The following CRTAC1 variants were observed in gnomAD, a reference collection of about 807,000 sequenced individuals.
The protein encoded by CRTAC1 is acidic secreted protein in cartilage.
Under a neutral mutation model 67.8 loss-of-function variants are expected in CRTAC1, and 37 were observed. That is an observed-to-expected ratio of 0.55 (90% CI 0.42 to 0.72). CRTAC1 has a LOEUF of 0.72. Among genes scored for constraint, CRTAC1 ranks in the 30% least tolerant of loss-of-function variants. CRTAC1 has a pLI of 0.00. For synonymous variants in CRTAC1, 348 were observed against 371.0 expected, an observed-to-expected ratio of 0.94 and a Z score of 0.71; for missense variants, 780 against 931.6, an observed-to-expected ratio of 0.84 and a Z score of 2.12.
intron 4 of CRTAC1, among the ~76,000 whole-genome samples, chr10:97,921,134 C>T (rs1344447301): frequency 6.6e-6 from 1 of 152,098 alleles, no homozygotes; most frequent in Non-Finnish European, 1.5e-5. Context: ...GCTGGCCCCA[C>T]CCCTGGAGTT....
At position 97,865,569 on chromosome 10, in the gene CRTAC1, C is replaced by T; in HGVS notation, c.1965G>A (p.Glu655=). The change falls in exon 15 of 15, where the codon GAG becomes GAA. Residue 655 remains glutamate (E), a synonymous_variant. Transcript: ENST00000370597. The part of the protein sequence containing the change: ...GDLNLGSVVK[E]SCEPSC ...CTGCTCAGCAGCTGGGCTCGCAGCT[C>T]TCCTTAACCACCGACCCCAGATTGA... is the stretch of plus-strand genomic sequence containing the variant. 1 of 1,611,354 alleles carries T rather than the reference C, an allele frequency of 6.2e-7. No homozygotes were observed. The highest frequency in any genetic ancestry group is 8.5e-7 in the Non-Finnish European group (1 of 1,177,786).
rs947996196 is a variant in CRTAC1, at chr10:98,030,108, C to T, written c.24+341G>A. ...TCCCTCCTCACCCGCTCCGCCCCCT[C>T]CAGGCCCCAGAGGCCCCCTCCCCTG... On this transcript the variant is annotated intron_variant, in intron 1 of 14. Transcript: ENST00000370597. This position sits in a 1 kb window ranked among gnomAD's most constrained non-coding sequence, Gnocchi z 4.2. Among the ~76,000 whole-genome samples the T allele has an allele frequency of 6.6e-6, 1 of 152,158 alleles. No homozygotes were observed. Among genetic ancestry groups the T allele is most frequent in the Non-Finnish European group, 1.5e-5 (1 of 68,024 alleles).
intron 11 of CRTAC1, among the ~76,000 whole-genome samples, chr10:97,892,311 A>C (rs1025513670): frequency 2.6e-5 from 4 of 152,222 alleles, no homozygotes; most frequent in African/African-American, 9.6e-5. Context: ...CTCAGCCCCC[A>C]TTCTGCCCTT....
intron 2 of CRTAC1, among the ~76,000 whole-genome samples, chr10:97,987,558 G>C (rs2052001319): frequency 6.6e-6 from 1 of 152,240 alleles, no homozygotes; most frequent in African/African-American, 2.4e-5. Context: ...TGCTGGAGAA[G>C]GCATGCCAAC....
At chr10:97,896,439 G>T (rs1485811097) in intron 9 of CRTAC1, among the ~76,000 whole-genome samples, 2 of 152,136 alleles carry the variant, frequency 1.3e-5, no homozygotes, top group Non-Finnish European at 2.9e-5. Flanking sequence ...GACCCAGAGG[G>T]TAAAGTCACT....
At chr10:97,901,712 G>A in intron 7 of CRTAC1, 73 bp from the exon 8 acceptor site, 2 of 1,561,640 alleles carry the variant, frequency 1.3e-6, no homozygotes, top group Non-Finnish European at 1.8e-6. Context: ...CCTCTATGGA[G>A]TGTGGGGGCA....
intron 2 of CRTAC1, among the ~76,000 whole-genome samples, chr10:98,007,646 C>T (rs1333013918): frequency 1.3e-5 from 2 of 152,184 alleles, no homozygotes; most frequent in Non-Finnish European, 2.9e-5. Flanking sequence ...CTGCTTTGCT[C>T]AACCCTGCCC....
rs1199432813 is a variant in CRTAC1 at position 97,895,312 on chromosome 10, G to C, written c.1419C>G (p.His473Gln). 1.2e-6 allele frequency: 2 copies of C among 1,613,852 alleles called. No homozygotes were observed. The highest frequency in any genetic ancestry group is 1.7e-6 in the Non-Finnish European group (2 of 1,179,992). The change falls in exon 11 of 15, where the codon CAC (histidine) becomes CAG (glutamine). Residue 473 changes from histidine to glutamine, a missense_variant. Transcript: ENST00000370597. This position sits in a 1 kb window ranked among gnomAD's most constrained non-coding sequence, Gnocchi z 4.2. ...CTGAGCCCCCGTCGATGATCCTCAG[G>C]TGGGCCCCACTCTTCTTGGTGTAGA... ...VVLYTKKSGA[H>Q]LRIIDGGSGY...
intron 6 of CRTAC1, among the ~76,000 whole-genome samples, chr10:97,906,136 GGC>G: frequency 6.6e-6 from 1 of 152,170 alleles, no homozygotes; most frequent in East Asian, 1.9e-4. Context: ...GAACCCTGGA[GGC>G]TGAGTGTCCT....
rs771351655 is a variant in CRTAC1, at chr10:98,002,761, C to CTG, written c.224+8376_224+8377insCA. On this transcript the variant is annotated intron_variant, in intron 2 of 14. Transcript: ENST00000370597. ...TTTTAGGAATTCTTTACAAAACTCA[C>CTG]TTTTTTTTTTTTTTTTTTTTTTTTT... 1.3e-3 allele frequency among the ~76,000 whole-genome samples: 48 copies of CTG among 37,302 alleles called. 2 individuals are homozygous for CTG. Among genetic ancestry groups the CTG allele is most frequent in the Non-Finnish European group, 1.9e-3 (33 of 17,204 alleles). The allele number at this position is 37,302 out of a possible 152,430, so 24.5% of individuals were successfully genotyped here.
intron 1 of CRTAC1, among the ~76,000 whole-genome samples, chr10:98,021,718 C>G (rs1843124591): frequency 6.6e-6 from 1 of 152,164 alleles, no homozygotes; most frequent in Non-Finnish European, 1.5e-5. Context: ...TGCATGAATG[C>G]ATCTCAGGTG....
At chr10:97,928,103 G>A (rs1193384988) in intron 3 of CRTAC1, among the ~76,000 whole-genome samples, 1 of 152,258 alleles carries the variant, frequency 6.6e-6, no homozygotes, top group Non-Finnish European at 1.5e-5. Context: ...TTTGGGGCAG[G>A]GCAGGGGGCC....
chr10:97,892,694 A>C (rs2050395761), intron 11 of CRTAC1, among the ~76,000 whole-genome samples: 1 of 152,160 alleles, frequency 6.6e-6, no homozygotes, highest in Admixed American at 6.5e-5. Flanking sequence ...GGCACATACT[A>C]ATTGCTTGAT....
At position 98,005,100 on chromosome 10, in the gene CRTAC1, A is replaced by ATATTTTTTTTTTTTTTTTTTT; in HGVS notation, c.224+6037_224+6038insAAAAAAAAAAAAAAAAAAATA. ...GTAATACATATATATATATATATAT[A>ATATTTTTTTTTTTTTTTTTTT]TTTTTTTTTTTTTTTTTTTTTGAGA... On this transcript the variant is annotated intron_variant, in intron 2 of 14. Coordinates refer to ENST00000370597, the MANE Select transcript of CRTAC1 (RefSeq NM_018058.7). 2.5e-4 allele frequency among the ~76,000 whole-genome samples: 12 copies of ATATTTTTTTTTTTTTTTTTTT among 48,884 alleles called. 2 individuals carry two copies. The highest frequency in any genetic ancestry group is 9.1e-4 in the East Asian group (2 of 2,206). The allele number at this position is 48,884 out of a possible 152,430, so 32.1% of individuals were successfully genotyped here.
At position 97,901,457 on chromosome 10, in the gene CRTAC1, C is replaced by T. The variant is rs199567627; in HGVS notation, c.1133+46G>A. 1,688 of 1,612,934 alleles carry T rather than the reference C, an allele frequency of 1.0e-3. 26 individuals carry two copies. In the South Asian group the frequency reaches 0.018, roughly 17 times the overall value. On this transcript the variant is annotated intron_variant, in intron 8 of 14. Transcript: ENST00000370597. ...ACCTTCTCCCTGACCGTTCCTCCCA[C>T]CAGCTGTCAAGGATGAAGAGCCACG... is the stretch of plus-strand genomic sequence containing the variant.
At chr10:97,985,115 T>C (rs767715347) in intron 2 of CRTAC1, among the ~76,000 whole-genome samples, 50 of 152,256 alleles carry the variant, frequency 3.3e-4, no homozygotes, top group Middle Eastern at 3.4e-3. Flanking sequence ...ATTCCTTGAT[T>C]ACCATTTTTC....
intron 1 of CRTAC1, among the ~76,000 whole-genome samples, chr10:98,021,474 G>C (rs554479577): frequency 1.3e-5 from 2 of 152,276 alleles, no homozygotes; most frequent in Admixed American, 1.3e-4. Flanking sequence ...AGGACAAATG[G>C]AATCTCCTAG....
intron 2 of CRTAC1, among the ~76,000 whole-genome samples, chr10:98,007,592 CT>C: frequency 6.6e-6 from 1 of 152,168 alleles, no homozygotes; most frequent in Non-Finnish European, 1.5e-5. Flanking sequence ...TAAATATCAT[CT>C]TTCAGAATAA....
chr10:97,921,272 C>T (rs1038154951), intron 4 of CRTAC1, among the ~76,000 whole-genome samples: 5 of 152,152 alleles, frequency 3.3e-5, no homozygotes, highest in African/African-American at 1.2e-4. Context: ...TTAAAAGGCC[C>T]TGCCCCAGGT....
Sources: allele counts gnomAD v4.1 joint callset (sites outside exome capture counted in the v4.1 genomes callset), GRCh38; gene constraint gnomAD v4.1.1; non-coding constraint Gnocchi (gnomAD v3.1); transcripts MANE v1.5; gene names NCBI Gene and HGNC (gene_info 2026-07-23, HGNC 2026-07-21).